The following PFKFB4 variants were observed in gnomAD, a reference collection of about 807,000 sequenced individuals.
PFKFB4 encodes 6-phosphofructo-2-kinase/fructose-2,6-biphosphatase 4, also known as 6-phosphofructo-2-kinase/fructose-2,6-bisphosphatase 4.
Under a neutral mutation model 62.8 loss-of-function variants are expected in PFKFB4, and 42 were observed. That is an observed-to-expected ratio of 0.67 (90% CI 0.52 to 0.86). PFKFB4 has a LOEUF of 0.86. Ranked by LOEUF, PFKFB4 falls within the 40% of genes least tolerant of loss-of-function variation. The pLI, the probability that PFKFB4 is intolerant of heterozygous loss-of-function variation, is 0.00. For synonymous variants in PFKFB4, 204 were observed against 240.7 expected, an observed-to-expected ratio of 0.85 and a Z score of 1.41; for missense variants, 475 against 627.2, an observed-to-expected ratio of 0.76 and a Z score of 2.59.
At chr3:48,520,643 T>C (rs1560147512) in intron 13 of PFKFB4, among the ~76,000 whole-genome samples, 2 of 152,238 alleles carry the variant, frequency 1.3e-5, no homozygotes, top group Admixed American at 6.5e-5. Context: ...TAATTCTTAC[T>C]GCTGGGCAGG....
rs917429725 is a variant in PFKFB4 at position 48,521,424 on chromosome 3, C to A, written c.1350+562G>T. 1.3e-5 allele frequency among the ~76,000 whole-genome samples: 2 copies of A among 152,226 alleles called. No individual in the cohort carries two copies. Among genetic ancestry groups the A allele is most frequent in the Non-Finnish European group, 2.9e-5 (2 of 68,034 alleles). On this transcript the variant is annotated intron_variant, in intron 13 of 13. Coordinates refer to ENST00000232375, the MANE Select transcript of PFKFB4 (RefSeq NM_004567.4). The surrounding 1 kb of genome is among the most constrained non-coding windows in gnomAD (Gnocchi z 5.3). ...GGCACTTGGGGAGCACAGGTGGTGA[C>A]TGCTTTTCTGGACCAAGGTCTCCAC...
At chr3:48,536,585 C>G in intron 7 of PFKFB4, 122 bp from the exon 8 acceptor site, 1 of 724,562 alleles carries the variant, frequency 1.4e-6, no homozygotes, top group South Asian at 1.7e-5. Context: ...AGATTACAAC[C>G]CTCAGGACCG....
chr3:48,521,934 A>G lies in PFKFB4; in HGVS notation c.1350+52T>C. On this transcript the variant is annotated intron_variant, in intron 13 of 13. Transcript: ENST00000232375. The surrounding 1 kb of genome is among the most constrained non-coding windows in gnomAD (Gnocchi z 5.3). The stretch of plus-strand genomic sequence containing the variant: ...TGGCCCTGGAGGATGTGCAGTCTGG[A>G]CACCCCCACATCAGGAACACCCCGC... 1 of 1,452,840 alleles carries G rather than the reference A, an allele frequency of 6.9e-7. No homozygotes were observed. The highest frequency in any genetic ancestry group is 9.7e-7 in the Non-Finnish European group (1 of 1,032,740). 90.0% of individuals were successfully genotyped at this position (1,452,840 alleles called of 1,614,324 possible).
intron 12 of PFKFB4, 63 bp downstream of exon 12, chr3:48,523,474 T>C (rs1395557737): frequency 1.4e-6 from 2 of 1,453,940 alleles, no homozygotes; most frequent in East Asian, 2.3e-5. Context: ...GAGAAAATCA[T>C]GGAACTGTGC....
chr3:48,545,807 A>T (rs1289547277), intron 3 of PFKFB4, among the ~76,000 whole-genome samples: 1 of 152,130 alleles, frequency 6.6e-6, no homozygotes, highest in Non-Finnish European at 1.5e-5. Flanking sequence ...TTCCAGTTAA[A>T]GCCTCAAAGT....
chr3:48,560,576 C>A (rs1256115425), upstream of PFKFB4, among the ~76,000 whole-genome samples: 5 of 152,332 alleles, frequency 3.3e-5, no homozygotes, highest in South Asian at 1.0e-3. Flanking sequence ...CAGAGAGGTT[C>A]ATGACCAAAC....
At position 48,523,760 on chromosome 3, in the gene PFKFB4, A is replaced by G; in HGVS notation, c.1163T>C (p.Val388Ala). Residue 388 changes from valine (V) to alanine (A), a missense_variant, in exon 11 of 14, where the codon GTC becomes GCC. By Grantham distance (64) the Val-to-Ala change is moderately conservative (BLOSUM62 0). Transcript: ENST00000232375. ...MELERQENVLVICHQAVMRCL... is the reference protein window; with the variant it reads ...MELERQENVLAICHQAVMRCL... ...GCGCATCACAGCCTGGTGGCAGATG[A>G]CCAGCACATTCTCTTGCCTCTCCAG... 1 of 1,614,184 alleles carries G rather than the reference A, an allele frequency of 6.2e-7. No individual in the cohort carries two copies. Among genetic ancestry groups the G allele is most frequent in the Non-Finnish European group, 8.5e-7 (1 of 1,180,026 alleles).
chr3:48,544,321 G>C (rs976554388), intron 3 of PFKFB4, among the ~76,000 whole-genome samples: 25 of 151,900 alleles, frequency 1.6e-4, no homozygotes, highest in Non-Finnish European at 1.0e-4. Flanking sequence ...TCCTGAAAGA[G>C]AGTTCCCCAA....
intron 2 of PFKFB4, 75 bp downstream of exon 2, chr3:48,550,043 T>C (rs1473037530): frequency 1.6e-5 from 22 of 1,414,076 alleles, no homozygotes; most frequent in South Asian, 3.4e-5. Context: ...GGCCAAATAA[T>C]AGAGAATAGG....
At chr3:48,549,055 G>A (rs1048891924) in intron 3 of PFKFB4, among the ~76,000 whole-genome samples, 6 of 152,268 alleles carry the variant, frequency 3.9e-5, no homozygotes, top group African/African-American at 1.4e-4. Context: ...TGGGCCAAGA[G>A]CAAGTCTCTG....
At chr3:48,561,617 A>C (rs1045806134), upstream of PFKFB4, 7 of 152,116 alleles carry the variant, frequency 4.6e-5, no homozygotes, top group Non-Finnish European at 1.0e-4. The surrounding 1 kb of genome is among the most constrained non-coding windows in gnomAD (Gnocchi z 5.2). Flanking sequence ...GGTGCACACC[A>C]CTGGGATTCT....
At chr3:48,556,868 C>T, upstream of PFKFB4, 1 of 1,482,770 alleles carries the variant, frequency 6.7e-7, no homozygotes, top group Non-Finnish European at 8.9e-7. The surrounding 1 kb of genome is among the most constrained non-coding windows in gnomAD (Gnocchi z 5.7). Flanking sequence ...TGGGCCCCGC[C>T]CCTCCTCAAG....
chr3:48,552,581 G>A (rs1039731705), intron 1 of PFKFB4, among the ~76,000 whole-genome samples: 5 of 152,214 alleles, frequency 3.3e-5, no homozygotes, highest in South Asian at 4.1e-4. Flanking sequence ...GCTGAGGCCC[G>A]CATTGTGCAT....
At chr3:48,555,499 T>C (rs2043285341) in intron 1 of PFKFB4, among the ~76,000 whole-genome samples, 2 of 152,214 alleles carry the variant, frequency 1.3e-5, no homozygotes, top group African/African-American at 4.8e-5. Context: ...TCTCCTGATC[T>C]CCATTTCACT....
At chr3:48,546,958 G>A (rs577714086) in intron 3 of PFKFB4, among the ~76,000 whole-genome samples, 2 of 152,294 alleles carry the variant, frequency 1.3e-5, no homozygotes, top group Admixed American at 6.5e-5. Context: ...CTTGATGCTC[G>A]CTCCTGGTTT....
upstream of PFKFB4, among the ~76,000 whole-genome samples, chr3:48,558,621 C>G (rs939604282): frequency 2.0e-5 from 3 of 152,242 alleles, no homozygotes; most frequent in African/African-American, 7.2e-5. Flanking sequence ...TTCCAAAGGT[C>G]CACATGCTGG....
At chr3:48,533,785 C>T (rs916319714) in intron 9 of PFKFB4, among the ~76,000 whole-genome samples, 27 of 152,240 alleles carry the variant, frequency 1.8e-4, no homozygotes, top group African/African-American at 6.5e-4. Context: ...ACCCGGGAGA[C>T]GAAGGTGGCA....
chr3:48,551,706 G>A lies in PFKFB4; in HGVS notation c.98-1472C>T, dbSNP rs1215841916. Among the ~76,000 whole-genome samples the A allele has an allele frequency of 3.3e-5, 5 of 150,894 alleles. No individual in the cohort carries two copies. The East Asian group carries it at 9.7e-4, about 29-fold the overall frequency. On this transcript the variant is annotated intron_variant, in intron 1 of 13. Coordinates refer to ENST00000232375, the MANE Select transcript of PFKFB4 (RefSeq NM_004567.4). ...ATTACAAGCACATGCCACCACACCT[G>A]GCTAATTTTTGTATTTTCAGTAGAG... is the stretch of plus-strand genomic sequence containing the variant.
In PFKFB4 at chr3:48,533,767, T is replaced by TC. The variant is rs542864952; in HGVS notation, c.987+1744dup. Among the ~76,000 whole-genome samples, 537 of 152,274 alleles carry TC rather than the reference T, an allele frequency of 3.5e-3. 5 individuals are homozygous for TC. Among genetic ancestry groups the TC allele is most frequent in the Non-Finnish European group, 5.2e-3 (355 of 68,032 alleles). The stretch of plus-strand genomic sequence containing the variant: ...TACTCTGGAGGCTGAGGCACAAGAA[T>TC]CGCTTGAACCCGGGAGACGAAGGTG... On this transcript the variant is annotated intron_variant, in intron 9 of 13. Coordinates refer to ENST00000232375, the MANE Select transcript of PFKFB4 (RefSeq NM_004567.4).
Sources: gnomAD v4.1 joint callset for allele counts (sites outside exome capture counted in the v4.1 genomes callset) on GRCh38, gnomAD v4.1.1 for gene constraint, Gnocchi (gnomAD v3.1) non-coding constraint, MANE v1.5 for transcripts, NCBI Gene and HGNC (gene_info 2026-07-23, HGNC 2026-07-21) for gene names.